The following SEC14L5 variants were observed in gnomAD, a reference collection of about 807,000 sequenced individuals.
SEC14L5 encodes the protein SEC14-like protein 5.
A neutral mutation model predicts 84.6 loss-of-function variants in SEC14L5; 96 were observed. The ratio of observed to expected loss-of-function variants is 1.13; its 90% CI spans 0.96 to 1.34. The LOEUF (loss-of-function observed/expected upper bound fraction) is 1.34, where lower values mean the gene tolerates loss of function less well. SEC14L5 is among the 40% of genes most tolerant of loss of function. SEC14L5 has a pLI of 0.00. For synonymous variants in SEC14L5, 546 were observed against 383.4 expected (o/e 1.42, Z -4.95); for missense variants, 1,224 against 942.5 (o/e 1.30, Z -3.91).
chr16:4,994,756 C>A (rs1370414040), intron 6 of SEC14L5, among the ~76,000 whole-genome samples: 1 of 151,758 alleles, frequency 6.6e-6, no homozygotes, highest in Non-Finnish European at 1.5e-5. Flanking sequence ...GTCCCCTGTA[C>A]CTTCCCCATT....
chr16:4,992,408 A>T (rs1414551835), intron 6 of SEC14L5, among the ~76,000 whole-genome samples: 2 of 151,838 alleles, frequency 1.3e-5, no homozygotes, highest in Admixed American at 6.6e-5. Context: ...CTGCCACCAC[A>T]CCCGGCCAAT....
chr16:4,986,020 T>G (rs186276500), intron 2 of SEC14L5, among the ~76,000 whole-genome samples: 397 of 152,254 alleles, frequency 2.6e-3, no homozygotes, highest in African/African-American at 9.3e-3. Context: ...GTTTAACTGT[T>G]TGAAGAACTG....
chr16:4,988,115 A>ACCCACCTCCGCCTC, intron 3 of SEC14L5, 34 bp from the exon 4 acceptor site: 1 of 1,441,460 alleles, frequency 6.9e-7, no homozygotes, highest in African/African-American at 1.4e-5. Context: ...CACGCCGCCC[A>ACCCACCTCCGCCTC]CCCACCTCCG....
chr16:4,964,165 C>G (rs1443952687), intron 2 of SEC14L5, among the ~76,000 whole-genome samples: 1 of 152,154 alleles, frequency 6.6e-6, no homozygotes, highest in African/African-American at 2.4e-5. Context: ...GTGGTGGTGT[C>G]TTTGTGGAGG....
chr16:4,986,568 G>A (rs1955489555), intron 2 of SEC14L5, among the ~76,000 whole-genome samples: 1 of 152,296 alleles, frequency 6.6e-6, no homozygotes, highest in East Asian at 1.9e-4. Context: ...GTCAATTTCT[G>A]TAAAGAAGTC....
rs1321347888 is a variant in SEC14L5 at position 5,016,249 on chromosome 16, C to T, written c.*1279C>T. On this transcript the variant is annotated 3_prime_UTR_variant, in exon 16 of 16. Coordinates refer to ENST00000251170, the MANE Select transcript of SEC14L5 (RefSeq NM_014692.2). The stretch of plus-strand genomic sequence containing the variant: ...GTTACTACACAGGAGCGTCTTGGGT[C>T]TCCTTGGGGCCTGAGGACATTTCTC... The T allele has an allele frequency of 6.6e-6, 1 of 152,194 alleles. No individual in the cohort carries two copies. Among genetic ancestry groups the T allele is most frequent in the African/African-American group, 2.4e-5 (1 of 41,456 alleles). 9.4% of individuals were successfully genotyped at this position (152,194 alleles called of 1,614,324 possible). A position where few individuals can be genotyped will look rare whatever the true frequency, so the allele number is the denominator to read the frequency against.
intron 6 of SEC14L5, among the ~76,000 whole-genome samples, chr16:4,993,386 C>T (rs369172442): frequency 6.6e-6 from 1 of 152,262 alleles, no homozygotes; most frequent in South Asian, 2.1e-4. Flanking sequence ...GGATTACAGG[C>T]ATGTGCCACC....
At chr16:4,982,214 C>A (rs1018926934) in intron 2 of SEC14L5, among the ~76,000 whole-genome samples, 1 of 152,098 alleles carries the variant, frequency 6.6e-6, no homozygotes, top group Non-Finnish European at 1.5e-5. Flanking sequence ...CTCGGCCCCC[C>A]CCTCCCCCCG....
intron 14 of SEC14L5, among the ~76,000 whole-genome samples, chr16:5,009,344 C>A (rs1039697462): frequency 6.6e-6 from 1 of 152,042 alleles, no homozygotes; most frequent in Non-Finnish European, 1.5e-5. Flanking sequence ...CTCACTCTAT[C>A]CATGATCAGG....
chr16:4,965,782 A>T (rs925987412), intron 2 of SEC14L5, among the ~76,000 whole-genome samples: 6 of 148,760 alleles, frequency 4.0e-5, no homozygotes, highest in African/African-American at 1.5e-4. Flanking sequence ...TGGCTCACGC[A>T]TGTAATCCCA....
intron 2 of SEC14L5, among the ~76,000 whole-genome samples, chr16:4,986,257 A>G (rs780944520): frequency 6.6e-6 from 1 of 151,696 alleles, no homozygotes; most frequent in Admixed American, 6.6e-5. Flanking sequence ...CTTCTGCCTC[A>G]GCTTCCCAAG....
intron 12 of SEC14L5, 148 bp downstream of exon 12, chr16:5,006,196 C>T: frequency 5.4e-6 from 4 of 744,048 alleles, no homozygotes; most frequent in South Asian, 3.7e-5. Flanking sequence ...TGCTGGCTCT[C>T]AGCAGCCACA....
rs780380475 is a variant in SEC14L5, at chr16:4,991,825, C to G, written c.475-13C>G. On this transcript the variant is annotated splice_polypyrimidine_tract_variant and intron_variant, in intron 5 of 15. Coordinates refer to ENST00000251170, the MANE Select transcript of SEC14L5 (RefSeq NM_014692.2). ...CCCCGTGCTCATGTGTCTTGGGTCT[C>G]TCTGGCTTCCAGGGGAAGGAGGTGA... The G allele has an allele frequency of 3.8e-6, 6 of 1,587,412 alleles. No homozygotes were observed. The highest frequency in any genetic ancestry group is 5.1e-6 in the Non-Finnish European group (6 of 1,165,826).
intron 2 of SEC14L5, among the ~76,000 whole-genome samples, chr16:4,965,128 TAAG>T (rs1306682234): frequency 2.0e-5 from 3 of 152,184 alleles, no homozygotes; most frequent in African/African-American, 7.2e-5. Flanking sequence ...TGTCTGGTGA[TAAG>T]AAGACACCTG....
At chr16:4,991,079 G>A (rs1005030089) in intron 5 of SEC14L5, among the ~76,000 whole-genome samples, 184 bp downstream of exon 5, 3 of 151,642 alleles carry the variant, frequency 2.0e-5, no homozygotes, top group Admixed American at 2.0e-4. Context: ...TCTGTAACAG[G>A]GGCACCCTAA....
At chr16:4,975,961 C>T (rs73527335) in intron 2 of SEC14L5, among the ~76,000 whole-genome samples, 1 of 151,956 alleles carries the variant, frequency 6.6e-6, no homozygotes, top group South Asian at 2.1e-4. Flanking sequence ...GACGTTTTGG[C>T]GTAAGTGGCA....
At position 4,988,214 on chromosome 16, in the gene SEC14L5, C is replaced by T. The variant is rs763107397; in HGVS notation, c.279C>T (p.Leu93=). 1.9e-6 allele frequency: 3 copies of T among 1,613,496 alleles called. No individual in the cohort carries two copies. The highest frequency in any genetic ancestry group is 2.2e-5 in the South Asian group (2 of 91,066). Reference sequence around the variant, plus strand: ...TCTTGAACTGGAAGGAGAGGACGCTCCTCATCGAAGCGCACAATGAGACCT... The same window carrying T: ...TCTTGAACTGGAAGGAGAGGACGCTTCTCATCGAAGCGCACAATGAGACCT... ...TNILNWKERT[L]LIEAHNETFA... The change falls in exon 4 of 16, where the codon CTC becomes CTT. Residue 93 remains leucine (L), a synonymous_variant. Transcript: ENST00000251170.
At chr16:5,005,793 G>A in intron 11 of SEC14L5, 121 bp from the exon 12 acceptor site, 1 of 962,526 alleles carries the variant, frequency 1.0e-6, no homozygotes, top group African/African-American at 1.7e-5. Context: ...GAACCCGGGA[G>A]GTGGAGCTTG....
rs1209288789 is a variant in SEC14L5, at chr16:5,005,028, G to C, written c.1303-886G>C. Among the ~76,000 whole-genome samples the C allele has an allele frequency of 2.6e-5, 4 of 152,312 alleles. No individual in the cohort carries two copies. The East Asian group carries it at 7.7e-4, about 29-fold the overall frequency. ...TCCTTTATATGAAATGTGCAGAATA[G>C]GGCTGGGCGAGGTGGCTCACGCCTG... On this transcript the variant is annotated intron_variant, in intron 11 of 15. Transcript: ENST00000251170.
Sources: gnomAD v4.1 joint callset for allele counts (sites outside exome capture counted in the v4.1 genomes callset) on GRCh38, gnomAD v4.1.1 for gene constraint, MANE v1.5 for transcripts, NCBI Gene and HGNC (gene_info 2026-07-23, HGNC 2026-07-21) for gene names.